Variants in FGF13 observed in about 807,000 individuals in gnomAD.
FGF13 encodes the protein fibroblast growth factor 13, also known as fibroblast growth factor homologous factor 2.
Under a neutral mutation model 19.5 loss-of-function variants are expected in FGF13, and 2 were observed. The ratio of observed to expected loss-of-function variants is 0.10; its 90% CI spans 0.04 to 0.32. The LOEUF (loss-of-function observed/expected upper bound fraction) is 0.32, where lower values mean the gene tolerates loss of function less well. FGF13 is among the 10% of genes least tolerant of loss of function. FGF13 has a pLI of 1.00. For missense variants in FGF13, 113 were observed against 192.7 expected, an observed-to-expected ratio of 0.59 and a Z score of 2.45; for synonymous variants, 72 against 76.9, an observed-to-expected ratio of 0.94 and a Z score of 0.33.
intron 1 of FGF13, among the ~76,000 whole-genome samples, chrX:139,107,347 G>T (rs1422771011): frequency 8.9e-6 from 1 of 111,954 alleles, no homozygotes; most frequent in Non-Finnish European, 1.9e-5. Context: ...CTACATGCAA[G>T]AAACCTTTTA....
chrX:138,811,342 A>C (rs1189377725), intron 3 of FGF13, among the ~76,000 whole-genome samples: 2 of 110,942 alleles, frequency 1.8e-5, no homozygotes, highest in Admixed American at 1.9e-4. Flanking sequence ...AACTATCCCA[A>C]GGACAAAAAA....
intron 3 of FGF13, among the ~76,000 whole-genome samples, chrX:138,678,466 T>C (rs936259143): frequency 1.8e-5 from 2 of 111,964 alleles, no homozygotes; most frequent in Middle Eastern, 9.3e-3. Flanking sequence ...CAATCTTTCT[T>C]ATTGTAGTTT....
Position 138,627,211 on chromosome X carries a change from T to C in FGF13, c.*5639A>G, listed in dbSNP as rs780782664. 2.7e-5 allele frequency: 3 copies of C among 111,865 alleles called. No individual in the cohort carries two copies. Among genetic ancestry groups the C allele is most frequent in the African/African-American group, 9.7e-5 (3 of 30,802 alleles). The allele number at this position is 111,865 out of a possible 1,213,427, so 9.2% of individuals were successfully genotyped here. A position where few individuals can be genotyped will look rare whatever the true frequency, so the allele number is the denominator to read the frequency against. ...GCCTCAGTAATGTGCTGTGAAGCGC[T>C]GACAGTATTTAAGGTCATAAATATC... On this transcript the variant is annotated 3_prime_UTR_variant, in exon 5 of 5. Transcript: ENST00000315930.
At chrX:138,785,124 G>A (rs1248020951) in intron 3 of FGF13, among the ~76,000 whole-genome samples, 2 of 111,669 alleles carry the variant, frequency 1.8e-5, no homozygotes, top group African/African-American at 6.5e-5. Context: ...CACATATGAT[G>A]ACCTTTACTC....
intron 3 of FGF13, among the ~76,000 whole-genome samples, chrX:138,647,821 T>C (rs1429620674): frequency 1.8e-5 from 2 of 112,230 alleles, no homozygotes; most frequent in Non-Finnish European, 3.8e-5. Context: ...CTTCATAAGC[T>C]TTGTACAACC....
In FGF13 at chrX:138,628,818, T is replaced by C. The variant is rs940277782; in HGVS notation, c.*4032A>G. On this transcript the variant is annotated 3_prime_UTR_variant, in exon 5 of 5. Coordinates refer to ENST00000315930, the MANE Select transcript of FGF13 (RefSeq NM_004114.5). Reference sequence around the variant, plus strand: ...ATGTACTGGTTAGGGAGGGGAGGAGTGCCACAGATCACTTCCCTCTCAGTC... The same window carrying C: ...ATGTACTGGTTAGGGAGGGGAGGAGCGCCACAGATCACTTCCCTCTCAGTC... The C allele has an allele frequency of 9.0e-6, 1 of 110,675 alleles. No homozygotes were observed. The highest frequency in any genetic ancestry group is 3.3e-5 in the African/African-American group (1 of 30,415). The allele number at this position is 110,675 out of a possible 1,213,427, so 9.1% of individuals were successfully genotyped here.
At chrX:139,022,942 C>T (rs1385569663) in intron 1 of FGF13, among the ~76,000 whole-genome samples, 2 of 111,437 alleles carry the variant, frequency 1.8e-5, no homozygotes, top group African/African-American at 3.3e-5. Context: ...GTATTTCATT[C>T]ACCCTTCACA....
intron 1 of FGF13, among the ~76,000 whole-genome samples, chrX:139,175,199 T>C (rs1188370265): frequency 4.5e-5 from 5 of 111,767 alleles, no homozygotes; most frequent in South Asian, 3.8e-4. Flanking sequence ...TCTCTGTTTG[T>C]CTATTATTGG....
intron 3 of FGF13, among the ~76,000 whole-genome samples, chrX:138,694,687 A>G (rs1338018247): frequency 9.3e-6 from 1 of 108,019 alleles, no homozygotes; most frequent in East Asian, 2.9e-4. Flanking sequence ...CGTGTTAGCC[A>G]GGATGGTCTC....
Position 138,797,600 on chromosome X carries a change from A to C in FGF13, c.217+59912T>G. ...TTTTTTTTTTCTACTTCTGTGAAGA[A>C]AGTCAATGGTAGCTTAATGGAATAG... On this transcript the variant is annotated intron_variant, in intron 3 of 6. Transcript: ENST00000436198. 2.7e-5 allele frequency among the ~76,000 whole-genome samples: 3 copies of C among 111,576 alleles called. 1 individual carries two copies. The Middle Eastern group carries it at 0.014, about 521-fold the overall frequency.
At chrX:139,111,225 G>A (rs2083598823) in intron 1 of FGF13, among the ~76,000 whole-genome samples, 1 of 111,687 alleles carries the variant, frequency 9.0e-6, no homozygotes. Flanking sequence ...ATGAGGAGAA[G>A]CGGCCTCTGG....
intron 1 of FGF13, among the ~76,000 whole-genome samples, chrX:139,033,602 G>T (rs774476367): frequency 6.3e-5 from 7 of 111,845 alleles, no homozygotes; most frequent in African/African-American, 2.3e-4. Flanking sequence ...ACAGGGTCTT[G>T]CTTACAAGGC....
intron 1 of FGF13, among the ~76,000 whole-genome samples, chrX:139,195,874 T>C (rs2084366838): frequency 1.8e-5 from 2 of 112,468 alleles, no homozygotes; most frequent in South Asian, 7.3e-4. Flanking sequence ...GTTACGTAAG[T>C]AGTGAAAAAC....
At chrX:138,890,943 A>G (rs1569418892) in intron 1 of FGF13, among the ~76,000 whole-genome samples, 1 of 112,047 alleles carries the variant, frequency 8.9e-6, no homozygotes, top group East Asian at 2.8e-4. Flanking sequence ...CAAAATGGAG[A>G]GGCATGTCTT....
intron 1 of FGF13, among the ~76,000 whole-genome samples, chrX:138,985,916 G>A (rs1428345808): frequency 9.0e-6 from 1 of 111,690 alleles, no homozygotes; most frequent in Non-Finnish European, 1.9e-5. Flanking sequence ...TGAAAAGACT[G>A]CTGGCATATG....
chrX:138,937,305 T>C (rs760266497), intron 1 of FGF13, among the ~76,000 whole-genome samples: 69 of 111,594 alleles, frequency 6.2e-4, no homozygotes, highest in Non-Finnish European at 1.2e-3. Flanking sequence ...AATATCAATA[T>C]TTTCAATACA....
chrX:138,841,889 T>C (rs1469522454), intron 3 of FGF13, among the ~76,000 whole-genome samples: 2 of 111,484 alleles, frequency 1.8e-5, no homozygotes, highest in African/African-American at 3.3e-5. Context: ...AAGTGATGCT[T>C]CATTTTGGCA....
At chrX:138,890,148 C>T (rs1409161383) in intron 1 of FGF13, among the ~76,000 whole-genome samples, 2 of 111,020 alleles carry the variant, frequency 1.8e-5, no homozygotes, top group African/African-American at 3.3e-5. Flanking sequence ...AGGCTGGTCT[C>T]AAACTCCTGA....
chrX:138,685,782 T>C (rs1229666715), intron 3 of FGF13, among the ~76,000 whole-genome samples: 2 of 111,072 alleles, frequency 1.8e-5, no homozygotes, highest in Non-Finnish European at 3.8e-5. Flanking sequence ...TTTGGCATGT[T>C]ACAAACTAAA....
Sources: gnomAD v4.1 joint callset for allele counts (sites outside exome capture counted in the v4.1 genomes callset) on GRCh38, gnomAD v4.1.1 for gene constraint, MANE v1.5 for transcripts, NCBI Gene and HGNC (gene_info 2026-07-23, HGNC 2026-07-21) for gene names.